POLR1D: variants seen among roughly 807,000 people sequenced by gnomAD.
POLR1D encodes RNA polymerase I and III subunit D, also known as DNA-directed RNA polymerases I and III subunit RPAC2.
In POLR1D, 8 loss-of-function variants were observed where a neutral mutation model predicts 10.8. That is an observed-to-expected ratio of 0.74 (90% confidence interval 0.43 to 1.33). The LOEUF (loss-of-function observed/expected upper bound fraction) is 1.33. POLR1D is among the 40% of genes most tolerant of loss of function. The pLI, the probability that POLR1D is intolerant of heterozygous loss-of-function variation, is 0.01. For missense variants in POLR1D, 152 were observed against 161.7 expected (o/e 0.94, Z 0.32); for synonymous variants, 54 against 57.2 (o/e 0.94, Z 0.25).
intron 1 of POLR1D, among the ~76,000 whole-genome samples, chr13:27,637,576 C>T (rs113343403): frequency 4.6e-5 from 7 of 152,068 alleles, no homozygotes; most frequent in Admixed American, 1.3e-4. Context: ...TATGTTTAAG[C>T]GCTTAACTCT....
intron 1 of POLR1D, among the ~76,000 whole-genome samples, chr13:27,630,336 A>C (rs924706315): frequency 6.6e-6 from 1 of 152,222 alleles, no homozygotes; most frequent in African/African-American, 2.4e-5. Flanking sequence ...AAAATTATGA[A>C]TAATGCCCCC....
chr13:27,662,079 C>A (rs2138573931), intron 2 of POLR1D, among the ~76,000 whole-genome samples: 1 of 152,078 alleles, frequency 6.6e-6, no homozygotes, highest in East Asian at 1.9e-4. Flanking sequence ...TGATGGCTTA[C>A]TTTTTTCTTA....
chr13:27,665,725 A>G (rs960540644), exon 3 of POLR1D: 4 of 1,613,872 alleles, frequency 2.5e-6, no homozygotes, highest in Admixed American at 1.7e-5. Flanking sequence ...AAAGATTTCT[A>G]ATTAACACAA....
At chr13:27,626,747 A>C (rs544646901), downstream of POLR1D, among the ~76,000 whole-genome samples, 4 of 152,204 alleles carry the variant, frequency 2.6e-5, no homozygotes, top group Admixed American at 6.5e-5. Flanking sequence ...ATATATACCA[A>C]AGGCTTTTAA....
intron 2 of POLR1D, chr13:27,650,615 A>G (rs1393018072): frequency 6.6e-6 from 1 of 152,334 alleles, no homozygotes; most frequent in Non-Finnish European, 1.5e-5. Context: ...CAAACTCTTG[A>G]CTACATGGGC....
At chr13:27,628,877 G>T (rs2138528725) in intron 1 of POLR1D, among the ~76,000 whole-genome samples, 1 of 152,294 alleles carries the variant, frequency 6.6e-6, no homozygotes, top group Non-Finnish European at 1.5e-5. Context: ...ATGCAGTGGT[G>T]CAATCTCAAC....
intron 2 of POLR1D, among the ~76,000 whole-genome samples, chr13:27,658,125 A>C (rs1384791079): frequency 6.6e-6 from 1 of 152,256 alleles, no homozygotes; most frequent in Non-Finnish European, 1.5e-5. Flanking sequence ...GCTTCAAAAA[A>C]TACTGATGCC....
intron 1 of POLR1D, among the ~76,000 whole-genome samples, chr13:27,646,972 A>G (rs1211526619): frequency 6.6e-6 from 1 of 152,232 alleles, no homozygotes; most frequent in African/African-American, 2.4e-5. Context: ...TAGCATTATA[A>G]TAGTGTCATA....
chr13:27,631,279 C>T (rs141910404), intron 1 of POLR1D, among the ~76,000 whole-genome samples: 238 of 152,292 alleles, frequency 1.6e-3, no homozygotes, highest in African/African-American at 4.8e-3. Context: ...CAAGCTCACT[C>T]ATATGGGGCT....
chr13:27,638,095 A>C (rs1370946762), intron 1 of POLR1D, among the ~76,000 whole-genome samples: 2 of 152,234 alleles, frequency 1.3e-5, no homozygotes, highest in African/African-American at 4.8e-5. Flanking sequence ...GAAAGACAGA[A>C]AATGCCTGGT....
intron 2 of POLR1D, among the ~76,000 whole-genome samples, chr13:27,656,681 G>T (rs1328041264): frequency 6.6e-6 from 1 of 152,218 alleles, no homozygotes; most frequent in African/African-American, 2.4e-5. Flanking sequence ...TTTGCTCTGT[G>T]CAGGGCCATG....
intron 2 of POLR1D, chr13:27,651,416 GA>G (rs1175384560): frequency 6.6e-6 from 1 of 152,092 alleles, no homozygotes; most frequent in Non-Finnish European, 1.5e-5. Flanking sequence ...GAGGGTATTT[GA>G]TGATATTAAG....
chr13:27,663,721 CCCTT>C lies in POLR1D; in HGVS notation c.102-1960_102-1957del, dbSNP rs2138575713. Among the ~76,000 whole-genome samples the C allele has an allele frequency of 6.7e-6, 1 of 149,428 alleles. No homozygotes were observed. Among genetic ancestry groups the C allele is most frequent in the East Asian group, 2.2e-4 (1 of 4,636 alleles). The stretch of plus-strand genomic sequence containing the variant: ...ATTACCATCACGTCTGGGAAAAGTA[CCCTT>C]CCTTGTTGTTTAATGCAGAGAAGAA... On this transcript the variant is annotated intron_variant, in intron 2 of 2. Coordinates refer to the POLR1D transcript ENST00000399697. The surrounding 1 kb of genome is among the most constrained non-coding windows in gnomAD (Gnocchi z 4.1).
upstream of POLR1D, chr13:27,620,909 G>C (rs764533253): frequency 6.5e-6 from 1 of 152,824 alleles, no homozygotes; most frequent in Non-Finnish European, 1.5e-5. Context: ...TCGCGGGGCG[G>C]GGTGGGGGGA....
At chr13:27,621,090 C>G (rs377175053), upstream of POLR1D, 1 of 153,574 alleles carries the variant, frequency 6.5e-6, no homozygotes, top group Non-Finnish European at 1.4e-5. Context: ...GGAGAGCGAG[C>G]CTGGGCGGCG....
intron 1 of POLR1D, among the ~76,000 whole-genome samples, chr13:27,630,532 C>G (rs61015264): frequency 2.0e-5 from 3 of 151,752 alleles, no homozygotes; most frequent in Non-Finnish European, 2.9e-5. Flanking sequence ...TGTGTAGAGG[C>G]GAAGGGTAGG....
In POLR1D at chr13:27,663,134, C is replaced by T. The variant is rs1956380709; in HGVS notation, c.102-2552C>T. ...TCCTTAGACTTGGATCTATTCTGTG[C>T]AGATTTTGGAATTTCTTTATATAAA... is the stretch of plus-strand genomic sequence containing the variant. On this transcript the variant is annotated intron_variant, in intron 2 of 2. Coordinates refer to the POLR1D transcript ENST00000399697. The surrounding 1 kb of genome is among the most constrained non-coding windows in gnomAD (Gnocchi z 4.1). 6.6e-6 allele frequency among the ~76,000 whole-genome samples: 1 copy of T among 152,204 alleles called. No individual in the cohort carries two copies.
Position 27,641,012 on chromosome 13 carries a change from C to T in POLR1D, c.27-7367C>T, listed in dbSNP as rs796097966. On this transcript the variant is annotated intron_variant, in intron 1 of 2. Transcript: ENST00000399697. ...AATTCTAAGTAAATAGCTCTTATTCCGTATTGGTTTTTATTTGTGTTATTT... is the reference window on the plus strand; with the variant it reads ...AATTCTAAGTAAATAGCTCTTATTCTGTATTGGTTTTTATTTGTGTTATTT... Among the ~76,000 whole-genome samples the T allele has an allele frequency of 1.4e-3, 213 of 151,980 alleles. 2 individuals are homozygous for T. The highest frequency in any genetic ancestry group is 4.9e-3 in the African/African-American group (205 of 41,444).
Position 27,657,043 on chromosome 13 carries a change from C to T in POLR1D, c.101+8590C>T, listed in dbSNP as rs566168234. On this transcript the variant is annotated intron_variant, in intron 2 of 2. Coordinates refer to the POLR1D transcript ENST00000399697. ...CAGGGAAGGCCATGGGACCCCGTAA[C>T]GCATAAAGGTCTGTGAGAAGTTAGG... is the stretch of plus-strand genomic sequence containing the variant. 7.0e-4 allele frequency among the ~76,000 whole-genome samples: 107 copies of T among 152,224 alleles called. 1 individual carries two copies. The highest frequency in any genetic ancestry group is 9.0e-4 in the Non-Finnish European group (61 of 68,018).
Sources: gnomAD v4.1 joint callset for allele counts (sites outside exome capture counted in the v4.1 genomes callset) on GRCh38, gnomAD v4.1.1 for gene constraint, Gnocchi (gnomAD v3.1) non-coding constraint, MANE v1.5 for transcripts, NCBI Gene and HGNC (gene_info 2026-07-23, HGNC 2026-07-21) for gene names.